The following MEI4 variants were observed in gnomAD, a reference collection of about 807,000 sequenced individuals.
MEI4 encodes meiosis-specific protein MEI4.
Under a neutral mutation model 31.4 loss-of-function variants are expected in MEI4, and 27 were observed. The ratio of observed to expected loss-of-function variants is 0.86; its 90% confidence interval spans 0.63 to 1.19. MEI4 has a LOEUF of 1.19. Ranked by LOEUF, MEI4 falls within the 50% of genes most tolerant of loss-of-function variation. The pLI is 0.00. For synonymous variants in MEI4, 122 were observed against 145.4 expected (o/e 0.84, Z 1.16); for missense variants, 329 against 398.9 (o/e 0.82, Z 1.49).
intron 2 of MEI4, among the ~76,000 whole-genome samples, chr6:77,755,011 A>T (rs138187269): frequency 6.6e-6 from 1 of 152,266 alleles, no homozygotes; most frequent in East Asian, 1.9e-4. Context: ...AAGTTAGGGA[A>T]TGTAGAAATA....
chr6:77,694,766 G>T (rs1283815391), intron 2 of MEI4, among the ~76,000 whole-genome samples: 1 of 151,732 alleles, frequency 6.6e-6, no homozygotes, highest in Non-Finnish European at 1.5e-5. Context: ...ATAATCCTTT[G>T]GGTATATACC....
intron 3 of MEI4, among the ~76,000 whole-genome samples, chr6:77,801,569 A>G (rs1769259744): frequency 2.0e-5 from 3 of 151,838 alleles, no homozygotes; most frequent in African/African-American, 7.3e-5. Flanking sequence ...AGTTCTTTTA[A>G]TTGTGATGTT....
rs557376168 is a variant in MEI4 at position 77,909,753 on chromosome 6, A to C, written c.901-13336A>C. ...TACCAAAGCCTGGCAGAGACACAAC[A>C]AAAAAAGAGAATTTTAGACCAATAT... On this transcript the variant is annotated intron_variant, in intron 4 of 4. Coordinates refer to ENST00000684080, the MANE Select transcript of MEI4 (RefSeq NM_001322247.2). 5.2e-3 allele frequency among the ~76,000 whole-genome samples: 790 copies of C among 152,184 alleles called. 8 individuals carry two copies. The highest frequency in any genetic ancestry group is 0.019 in the African/African-American group (769 of 41,530).
intron 4 of MEI4, among the ~76,000 whole-genome samples, chr6:77,832,452 CAAT>C (rs1231189869): frequency 1.3e-5 from 2 of 151,760 alleles, no homozygotes; most frequent in Admixed American, 1.3e-4. Flanking sequence ...ATGGAGGATT[CAAT>C]AATAATTATT....
intron 4 of MEI4, among the ~76,000 whole-genome samples, chr6:77,875,675 A>C (rs1164954660): frequency 6.6e-6 from 1 of 152,224 alleles, no homozygotes; most frequent in Non-Finnish European, 1.5e-5. Flanking sequence ...TTTATACTAA[A>C]TAAATATCTT....
intron 4 of MEI4, among the ~76,000 whole-genome samples, chr6:77,873,520 G>A (rs1210768543): frequency 2.6e-5 from 4 of 152,172 alleles, no homozygotes; most frequent in African/African-American, 9.7e-5. Context: ...TGTCAGGTGA[G>A]TACGTTGCGA....
intron 4 of MEI4, among the ~76,000 whole-genome samples, chr6:77,834,396 A>G (rs1205101555): frequency 6.8e-6 from 1 of 147,676 alleles, no homozygotes; most frequent in Non-Finnish European, 1.5e-5. Context: ...TAAATTATAT[A>G]TAATATAAAA....
intron 3 of MEI4, among the ~76,000 whole-genome samples, chr6:77,784,212 T>C (rs979083788): frequency 7.9e-5 from 12 of 152,162 alleles, no homozygotes; most frequent in Non-Finnish European, 1.2e-4. Context: ...GCAACTGATT[T>C]CAGAATAAAT....
At chr6:77,765,611 T>C (rs1029025691) in intron 3 of MEI4, among the ~76,000 whole-genome samples, 4 of 129,236 alleles carry the variant, frequency 3.1e-5, no homozygotes, top group Admixed American at 9.4e-5. Flanking sequence ...AGTTCAACCA[T>C]TGTGGAAGAC....
At chr6:77,769,278 T>C (rs1334774501) in intron 3 of MEI4, among the ~76,000 whole-genome samples, 1 of 152,140 alleles carries the variant, frequency 6.6e-6, no homozygotes, top group Non-Finnish European at 1.5e-5. Flanking sequence ...GGGGCAGAAC[T>C]CAGCTTGTGC....
At chr6:77,896,255 A>G (rs1766082660) in intron 4 of MEI4, among the ~76,000 whole-genome samples, 1 of 152,118 alleles carries the variant, frequency 6.6e-6, no homozygotes, top group African/African-American at 2.4e-5. Context: ...CTATTTTATC[A>G]CCATATCCAC....
chr6:77,755,271 A>G (rs976611828), intron 2 of MEI4, among the ~76,000 whole-genome samples: 4 of 152,306 alleles, frequency 2.6e-5, no homozygotes, highest in African/African-American at 9.6e-5. Context: ...TCCACTCTAA[A>G]ATGGTAAATT....
At chr6:77,662,761 A>T (rs1768536640) in intron 1 of MEI4, among the ~76,000 whole-genome samples, 1 of 152,118 alleles carries the variant, frequency 6.6e-6, no homozygotes, top group African/African-American at 2.4e-5. Context: ...CTAGGAAGGA[A>T]AGGAGTTTTT....
intron 2 of MEI4, among the ~76,000 whole-genome samples, chr6:77,737,989 G>T (rs1187492862): frequency 6.6e-6 from 1 of 152,202 alleles, no homozygotes; most frequent in Non-Finnish European, 1.5e-5. Flanking sequence ...TGAGAGAAGT[G>T]TCAGGATTAG....
intron 4 of MEI4, among the ~76,000 whole-genome samples, chr6:77,882,714 C>A (rs1412755059): frequency 1.3e-5 from 2 of 152,102 alleles, no homozygotes; most frequent in Non-Finnish European, 2.9e-5. Flanking sequence ...TTTTCACTGT[C>A]TCAGGGCCTG....
chr6:77,836,267 C>T (rs1250082631), intron 4 of MEI4, among the ~76,000 whole-genome samples: 17 of 152,160 alleles, frequency 1.1e-4, no homozygotes, highest in East Asian at 5.8e-4. Context: ...CATGTTTCTG[C>T]GTACAGTAGC....
intron 3 of MEI4, among the ~76,000 whole-genome samples, chr6:77,766,689 G>A (rs1768185644): frequency 6.6e-6 from 1 of 152,180 alleles, no homozygotes; most frequent in South Asian, 2.1e-4. Context: ...TGGGATTACA[G>A]GCGTGAGCCT....
chr6:77,715,001 T>A (rs1417795786), intron 2 of MEI4, among the ~76,000 whole-genome samples: 1 of 152,190 alleles, frequency 6.6e-6, no homozygotes, highest in Non-Finnish European at 1.5e-5. Flanking sequence ...GAGGAAGCCA[T>A]GCCTTATTTA....
chr6:77,839,031 T>A (rs565843131), intron 4 of MEI4, among the ~76,000 whole-genome samples: 2 of 152,098 alleles, frequency 1.3e-5, no homozygotes, highest in African/African-American at 4.8e-5. Context: ...TTTTTTTCAA[T>A]GTCCAAGCTT....
Sources: allele counts gnomAD v4.1 joint callset (sites outside exome capture counted in the v4.1 genomes callset), GRCh38; gene constraint gnomAD v4.1.1; transcripts MANE v1.5; gene names NCBI Gene and HGNC (gene_info 2026-07-23, HGNC 2026-07-21).